Variants in BCKDHB observed in about 807,000 individuals in gnomAD.
BCKDHB encodes the protein 2-oxoisovalerate dehydrogenase subunit beta, mitochondrial.
A neutral mutation model predicts 48.5 loss-of-function variants in BCKDHB; 41 were observed. The observed-to-expected ratio is 0.85, with a 90% CI of 0.66 to 1.10. The LOEUF is 1.10. Among genes scored for constraint, BCKDHB ranks in the 50% least tolerant of loss-of-function variants. The pLI, the probability that BCKDHB is intolerant of heterozygous loss-of-function variation, is 0.00. For missense variants in BCKDHB, 496 were observed against 494.2 expected, an observed-to-expected ratio of 1.00 and a Z score of -0.03; for synonymous variants, 201 against 174.8, an observed-to-expected ratio of 1.15 and a Z score of -1.18.
chr6:80,392,251 C>T, the BCKDHB span, among the ~76,000 whole-genome samples: 1 of 152,140 alleles, frequency 6.6e-6, no homozygotes, highest in Non-Finnish European at 1.5e-5. Context: ...ACCTCGGCCT[C>T]CCAAAGTGCT....
chr6:80,155,991 C>G (rs931869472), intron 3 of BCKDHB, among the ~76,000 whole-genome samples: 3 of 151,326 alleles, frequency 2.0e-5, no homozygotes, highest in Admixed American at 6.6e-5. Context: ...AAAATACTTT[C>G]CCCCCCAACT....
At chr6:80,306,306 G>T (rs534792696) in intron 9 of BCKDHB, among the ~76,000 whole-genome samples, 1 of 152,208 alleles carries the variant, frequency 6.6e-6, no homozygotes, top group South Asian at 2.1e-4. Context: ...TGAACACCTG[G>T]TATAGGCTGA....
chr6:80,260,679 C>T (rs1720885360), intron 8 of BCKDHB, among the ~76,000 whole-genome samples: 1 of 152,092 alleles, frequency 6.6e-6, no homozygotes, highest in Admixed American at 6.6e-5. Context: ...TTTAGAAACA[C>T]GTGGTGAAGA....
At chr6:80,460,784 G>A in the BCKDHB span, among the ~76,000 whole-genome samples, 1 of 152,144 alleles carries the variant, frequency 6.6e-6, no homozygotes, top group South Asian at 2.1e-4. Flanking sequence ...ATTACACTGA[G>A]TTAAGTGGAC....
At chr6:80,175,524 T>C (rs1773109254) in intron 6 of BCKDHB, among the ~76,000 whole-genome samples, 1 of 152,200 alleles carries the variant, frequency 6.6e-6, no homozygotes, top group South Asian at 2.1e-4. Context: ...CTTTGACTCA[T>C]AGTCCACTTC....
At chr6:80,252,650 T>A (rs1440582657) in intron 8 of BCKDHB, among the ~76,000 whole-genome samples, 1 of 152,206 alleles carries the variant, frequency 6.6e-6, no homozygotes, top group Non-Finnish European at 1.5e-5. Context: ...GATGGTTACT[T>A]ATCCTTGAAA....
intron 8 of BCKDHB, among the ~76,000 whole-genome samples, chr6:80,255,264 T>C (rs571887035): frequency 6.6e-6 from 1 of 152,224 alleles, no homozygotes; most frequent in Non-Finnish European, 1.5e-5. Flanking sequence ...TAATTATTTA[T>C]GAGGACTGTA....
the BCKDHB span, among the ~76,000 whole-genome samples, chr6:80,402,735 A>T: frequency 6.6e-6 from 1 of 151,846 alleles, no homozygotes; most frequent in East Asian, 1.9e-4. Context: ...TTATGATTTT[A>T]TGTCTTACAA....
intron 8 of BCKDHB, among the ~76,000 whole-genome samples, chr6:80,241,033 G>A (rs778180406): frequency 2.0e-5 from 3 of 151,876 alleles, no homozygotes; most frequent in Non-Finnish European, 2.9e-5. Flanking sequence ...TCTTCCACTT[G>A]ATCGAATCGG....
chr6:80,273,285 A>C (rs1462588404), intron 9 of BCKDHB, 64 bp downstream of exon 9: 1 of 1,319,562 alleles, frequency 7.6e-7, no homozygotes, highest in Non-Finnish European at 1.1e-6. Context: ...TCCAGAAGAA[A>C]ATAAATTACT....
the BCKDHB span, among the ~76,000 whole-genome samples, chr6:80,392,361 TA>T: frequency 6.7e-6 from 1 of 149,066 alleles, no homozygotes; most frequent in South Asian, 2.1e-4. Context: ...ATTAGGGCTG[TA>T]TTTTTTTTTT....
intron 3 of BCKDHB, among the ~76,000 whole-genome samples, chr6:80,143,416 A>G (rs917439895): frequency 1.3e-5 from 2 of 152,148 alleles, no homozygotes; most frequent in African/African-American, 4.8e-5. Context: ...TTCACTAGGA[A>G]AAGTTATTTT....
chr6:80,409,890 G>A, the BCKDHB span, among the ~76,000 whole-genome samples: 1 of 151,790 alleles, frequency 6.6e-6, no homozygotes, highest in Non-Finnish European at 1.5e-5. Flanking sequence ...TTGCCAGTCT[G>A]TATCTTTTAA....
intron 6 of BCKDHB, among the ~76,000 whole-genome samples, chr6:80,175,608 C>T (rs545204770): frequency 6.4e-4 from 97 of 152,160 alleles, no homozygotes; most frequent in African/African-American, 2.2e-3. Flanking sequence ...GCCCTTTAAA[C>T]GAACAAGAAC....
intron 8 of BCKDHB, among the ~76,000 whole-genome samples, chr6:80,211,773 C>T (rs1246276225): frequency 6.6e-6 from 1 of 152,058 alleles, no homozygotes; most frequent in Non-Finnish European, 1.5e-5. Flanking sequence ...TGTTGGCTGG[C>T]TGAGAAATAA....
chr6:80,299,714 T>G (rs1414685401), intron 9 of BCKDHB, among the ~76,000 whole-genome samples: 1 of 152,166 alleles, frequency 6.6e-6, no homozygotes, highest in Non-Finnish European at 1.5e-5. Flanking sequence ...TAAAGAGTGC[T>G]AAACACGGAA....
the BCKDHB span, among the ~76,000 whole-genome samples, chr6:80,438,380 A>AT: frequency 2.0e-5 from 3 of 151,996 alleles, no homozygotes; most frequent in Non-Finnish European, 2.9e-5. Flanking sequence ...CATTGTTTCT[A>AT]TTTTTTCTAT....
At chr6:80,450,519 G>A in the BCKDHB span, among the ~76,000 whole-genome samples, 10 of 152,270 alleles carry the variant, frequency 6.6e-5, no homozygotes, top group Non-Finnish European at 1.0e-4. Flanking sequence ...AAGGGCAAGA[G>A]TTTTGGTATA....
intron 8 of BCKDHB, among the ~76,000 whole-genome samples, chr6:80,248,421 G>T (rs1357473843): frequency 1.3e-5 from 2 of 152,182 alleles, no homozygotes; most frequent in East Asian, 1.9e-4. Context: ...TGAGCTTAGG[G>T]TTTATTTTTA....
Sources: gnomAD v4.1 joint callset for allele counts (sites outside exome capture counted in the v4.1 genomes callset) on GRCh38, gnomAD v4.1.1 for gene constraint, MANE v1.5 for transcripts, NCBI Gene and HGNC (gene_info 2026-07-23, HGNC 2026-07-21) for gene names.